The following CC2D2A variants were observed in gnomAD, a reference collection of about 807,000 sequenced individuals.
CC2D2A encodes the protein coiled-coil and C2 domain containing 2A, also known as coiled-coil and C2 domain-containing protein 2A.
Under a neutral mutation model 212.9 loss-of-function variants are expected in CC2D2A, and 155 were observed. That is an observed-to-expected ratio of 0.73 (90% CI 0.64 to 0.83). The LOEUF is 0.83. Among genes scored for constraint, CC2D2A ranks in the 40% least tolerant of loss-of-function variants. The probability of loss-of-function intolerance (pLI) is 0.00; values close to 1 mark genes in which losing one functional copy is unlikely to be tolerated. For missense variants in CC2D2A, 1,856 were observed against 1,956.2 expected, an observed-to-expected ratio of 0.95 and a Z score of 0.97; for synonymous variants, 667 against 686.5, an observed-to-expected ratio of 0.97 and a Z score of 0.44.
At position 15,541,030 on chromosome 4, in the gene CC2D2A, A is replaced by T; in HGVS notation, c.2181+16A>T. ...AACACTTCAGGTACACATTTTAATTATAGTTACTGGCCGGGCACTGTGGCT... is the reference window on the plus strand; with the variant it reads ...AACACTTCAGGTACACATTTTAATTTTAGTTACTGGCCGGGCACTGTGGCT... On this transcript the variant is annotated intron_variant, in intron 17 of 36. Transcript: ENST00000424120. The T allele has an allele frequency of 6.6e-7, 1 of 1,519,582 alleles. No homozygotes were observed. The highest frequency in any genetic ancestry group is 8.9e-7 in the Non-Finnish European group (1 of 1,128,816). 94.1% of individuals were successfully genotyped at this position (1,519,582 alleles called of 1,614,324 possible). A position where few individuals can be genotyped will look rare whatever the true frequency, so the allele number is the denominator to read the frequency against.
intron 11 of CC2D2A, among the ~76,000 whole-genome samples, chr4:15,526,776 C>A (rs1717532765): frequency 2.0e-5 from 3 of 152,144 alleles, no homozygotes; most frequent in African/African-American, 7.2e-5. Context: ...AAGTAAATAT[C>A]TTGAGGATTT....
At chr4:15,542,116 A>T (rs182919502) in intron 17 of CC2D2A, among the ~76,000 whole-genome samples, 2 of 152,234 alleles carry the variant, frequency 1.3e-5, no homozygotes, top group East Asian at 3.9e-4. Context: ...TATTGGATTT[A>T]GGGCCCACCC....
chr4:15,533,272 A>T lies in CC2D2A; in HGVS notation c.1546A>T (p.Met516Leu). The change falls in exon 14 of 37, where the codon ATG (methionine) becomes TTG (leucine). Residue 516 changes from methionine (M) to leucine (L), a missense_variant. Met to Leu is a conservative substitution (Grantham distance 15). This residue lies in a region of CC2D2A where 1,512 missense variants were observed against 1,579.3 expected (regional missense o/e 0.96). Transcript: ENST00000424120. ...GACTATCATAAAAGTTTGGAAAGAGATGAAATCCCTTCGAGAGTTCCAGAG... is the reference window on the plus strand; with the variant it reads ...GACTATCATAAAAGTTTGGAAAGAGTTGAAATCCCTTCGAGAGTTCCAGAG... ...LKTIIKVWKEMKSLREFQRFT... is the reference protein window; with the variant it reads ...LKTIIKVWKELKSLREFQRFT... 1.2e-6 allele frequency: 2 copies of T among 1,601,844 alleles called. No individual in the cohort carries two copies. Among genetic ancestry groups the T allele is most frequent in the South Asian group, 2.3e-5 (2 of 87,736 alleles).
intron 6 of CC2D2A, among the ~76,000 whole-genome samples, chr4:15,503,354 G>A (rs1716072951): frequency 6.6e-6 from 1 of 152,268 alleles, no homozygotes; most frequent in South Asian, 2.1e-4. Context: ...CTCTGTGCCA[G>A]GCATTTTACC....
intron 4 of CC2D2A, among the ~76,000 whole-genome samples, chr4:15,500,107 G>GTGTGTATATATATATATATA (rs1479141284): frequency 5.3e-5 from 6 of 112,946 alleles, no homozygotes; most frequent in Non-Finnish European, 8.8e-5. Context: ...GTGTGTGTGT[G>GTGTGTATATATATATATATA]TATATATATA....
intron 15 of CC2D2A, 129 bp downstream of exon 15, chr4:15,537,205 C>A: frequency 1.4e-6 from 1 of 725,860 alleles, no homozygotes; most frequent in Non-Finnish European, 2.2e-6. Flanking sequence ...TGTCTCTTCC[C>A]CGTCCCCTGG....
At chr4:15,516,789 T>C in intron 11 of CC2D2A, 33 bp downstream of exon 11, 1 of 1,597,772 alleles carries the variant, frequency 6.3e-7, no homozygotes, top group Non-Finnish European at 8.5e-7. Flanking sequence ...TTTTATTAAA[T>C]GAAATTGAAA....
At position 15,495,269 on chromosome 4, in the gene CC2D2A, CA is replaced by C. The variant is rs1715548320; in HGVS notation, c.248-7159del. 3.9e-5 allele frequency among the ~76,000 whole-genome samples: 6 copies of C among 152,092 alleles called. No homozygotes were observed. In the South Asian group the frequency reaches 1.2e-3, roughly 31 times the overall value. On this transcript the variant is annotated intron_variant, in intron 4 of 36. Coordinates refer to ENST00000424120, the MANE Select transcript of CC2D2A (RefSeq NM_001378615.1). ...GATTACTGGCACATGCCACCACACT[CA>C]GCTCATTTTTGGTATTTTACTAGAG...
chr4:15,470,460 A>G (rs1713649033), intron 1 of CC2D2A, among the ~76,000 whole-genome samples: 1 of 152,182 alleles, frequency 6.6e-6, no homozygotes, highest in Admixed American at 6.5e-5. Flanking sequence ...GCTACTAACC[A>G]CAGTGCTAAG....
At chr4:15,563,666 T>C in intron 24 of CC2D2A, 144 bp downstream of exon 24, 2 of 755,808 alleles carry the variant, frequency 2.6e-6, no homozygotes, top group Non-Finnish European at 4.3e-6. Flanking sequence ...AAGGCCCTAC[T>C]GTTTGCAAGT....
chr4:15,557,200 T>G, intron 20 of CC2D2A, 104 bp from the exon 21 acceptor site: 1 of 641,594 alleles, frequency 1.6e-6, no homozygotes, highest in East Asian at 2.7e-5. Context: ...GTCTTTCAAG[T>G]CTTTTAATCT....
At chr4:15,530,934 G>A (rs1274221035) in intron 13 of CC2D2A, among the ~76,000 whole-genome samples, 11 of 151,978 alleles carry the variant, frequency 7.2e-5, no homozygotes, top group African/African-American at 2.2e-4. Flanking sequence ...TCCTCTGAAC[G>A]GAAACCAGGA....
At chr4:15,579,674 A>G (rs1191506724) in intron 29 of CC2D2A, among the ~76,000 whole-genome samples, 1 of 152,238 alleles carries the variant, frequency 6.6e-6, no homozygotes, top group Non-Finnish European at 1.5e-5. Context: ...CAGAATTAGT[A>G]CATCACAGTT....
chr4:15,592,343 C>A (rs965082315), intron 33 of CC2D2A, among the ~76,000 whole-genome samples: 1 of 152,168 alleles, frequency 6.6e-6, no homozygotes, highest in African/African-American at 2.4e-5. Flanking sequence ...CTAGTTATAT[C>A]TCTTGCTTTC....
At chr4:15,516,515 C>T (rs1230577719) in intron 10 of CC2D2A, 110 bp from the exon 11 acceptor site, 2 of 1,051,722 alleles carry the variant, frequency 1.9e-6, no homozygotes, top group Admixed American at 2.9e-5. Context: ...GGAGGAAGTA[C>T]ATGAAATATA....
At position 15,588,205 on chromosome 4, in the gene CC2D2A, G is replaced by A. The variant is rs1004099644; in HGVS notation, c.4179+276G>A. On this transcript the variant is annotated intron_variant, in intron 32 of 36. Coordinates refer to ENST00000424120, the MANE Select transcript of CC2D2A (RefSeq NM_001378615.1). ...CCACCTAGCTCTGTCCTTTTAGTAT[G>A]GGCCTCTTCCCAGCCATGTTCCCAA... is the stretch of plus-strand genomic sequence containing the variant. 3.9e-5 allele frequency among the ~76,000 whole-genome samples: 6 copies of A among 152,214 alleles called. No individual in the cohort carries two copies. The East Asian group carries it at 5.8e-4, about 15-fold the overall frequency.
At chr4:15,470,689 CTATATATATATATATATATATATATATA>C (rs199958992) in intron 1 of CC2D2A, among the ~76,000 whole-genome samples, 19 of 50,668 alleles carry the variant, frequency 3.7e-4, no homozygotes, top group South Asian at 1.5e-3. Flanking sequence ...CTCTCTCTCT[CTATATATATATATATATATATATATATA>C]TATATATATA....
chr4:15,589,476 G>T, intron 32 of CC2D2A, 69 bp from the exon 33 acceptor site: 1 of 1,343,262 alleles, frequency 7.4e-7, no homozygotes, highest in Non-Finnish European at 1.0e-6. Context: ...TGAATTGTCT[G>T]TGCAAACTAC....
intron 30 of CC2D2A, 99 bp from the exon 31 acceptor site, chr4:15,586,058 T>A (rs780229194): frequency 1.3e-6 from 1 of 792,318 alleles, no homozygotes; most frequent in Non-Finnish European, 2.1e-6. Flanking sequence ...TTTGTACATG[T>A]AAATGTTTGT....
Sources: allele counts gnomAD v4.1 joint callset (sites outside exome capture counted in the v4.1 genomes callset), GRCh38; gene constraint gnomAD v4.1.1; regional missense constraint gnomAD v4.1.1; transcripts MANE v1.5; gene names NCBI Gene and HGNC (gene_info 2026-07-23, HGNC 2026-07-21).